CTNNA3: variants seen among roughly 807,000 people sequenced by gnomAD.
CTNNA3 encodes the protein catenin alpha-3.
Under a neutral mutation model 95.7 loss-of-function variants are expected in CTNNA3, and 76 were observed. That is an observed-to-expected ratio of 0.79 (90% confidence interval 0.66 to 0.96). CTNNA3 has a LOEUF of 0.96. CTNNA3 is among the 40% of genes least tolerant of loss of function. The probability of loss-of-function intolerance (pLI) is 0.00; values close to 1 mark genes in which losing one functional copy is unlikely to be tolerated. For missense variants in CTNNA3, 1,191 were observed against 1,089.8 expected (o/e 1.09, Z -1.31); for synonymous variants, 431 against 374.4 (o/e 1.15, Z -1.74).
chr10:66,266,621 C>T lies in CTNNA3; in HGVS notation c.1884+13849G>A, dbSNP rs183331649. Among the ~76,000 whole-genome samples, 65 of 152,136 alleles carry T rather than the reference C, an allele frequency of 4.3e-4. 2 individuals are homozygous for T. In the East Asian group the frequency reaches 7.3e-3, roughly 17 times the overall value. On this transcript the variant is annotated intron_variant, in intron 13 of 17. Coordinates refer to ENST00000433211, the MANE Select transcript of CTNNA3 (RefSeq NM_013266.4). Reference sequence around the variant, plus strand: ...CCCTGAAACTGGTGAGACAGCACTTCAATCCCTTCACCTTGGCTGCTCTAG... The same window carrying T: ...CCCTGAAACTGGTGAGACAGCACTTTAATCCCTTCACCTTGGCTGCTCTAG...
At chr10:66,550,944 T>C (rs938182880) in intron 10 of CTNNA3, among the ~76,000 whole-genome samples, 5 of 152,130 alleles carry the variant, frequency 3.3e-5, no homozygotes, top group African/African-American at 9.7e-5. Context: ...TTTTGCCCCA[T>C]TGAATTTTAG....
intron 13 of CTNNA3, among the ~76,000 whole-genome samples, chr10:66,108,439 T>C (rs1375697594): frequency 6.6e-6 from 1 of 151,904 alleles, no homozygotes; most frequent in Non-Finnish European, 1.5e-5. Context: ...GACTGGATCC[T>C]TCTCGGCATG....
chr10:67,742,771 G>T (rs60971508), intron 1 of CTNNA3, among the ~76,000 whole-genome samples: 6,671 of 150,812 alleles, frequency 0.044, 359 homozygotes, highest in African/African-American at 0.093. Flanking sequence ...TAATAAGGAA[G>T]AAAAGAGAGA....
chr10:67,682,195 T>C (rs946852480), intron 1 of CTNNA3, among the ~76,000 whole-genome samples: 1 of 147,106 alleles, frequency 6.8e-6, no homozygotes, highest in Non-Finnish European at 1.5e-5. Context: ...AGCGTGGTGG[T>C]GGGCGCCTAT....
intron 7 of CTNNA3, among the ~76,000 whole-genome samples, chr10:67,145,148 G>T (rs570514663): frequency 4.3e-4 from 66 of 152,232 alleles, no homozygotes; most frequent in Non-Finnish European, 7.8e-4. Context: ...TCCCCCATGG[G>T]CATGTTCCAT....
intron 7 of CTNNA3, among the ~76,000 whole-genome samples, chr10:66,996,879 A>C (rs1240367858): frequency 6.6e-6 from 1 of 152,136 alleles, no homozygotes; most frequent in Non-Finnish European, 1.5e-5. Flanking sequence ...GTAAATGTTC[A>C]GCAATTATCC....
chr10:67,121,077 G>GGTTTTGAATAA (rs1859441292), intron 7 of CTNNA3, among the ~76,000 whole-genome samples: 2 of 151,976 alleles, frequency 1.3e-5, no homozygotes, highest in Non-Finnish European at 2.9e-5. Flanking sequence ...CTTTATAAAA[G>GGTTTTGAATAA]CATTCCCTTG....
chr10:66,721,909 A>T (rs74141662), intron 9 of CTNNA3, among the ~76,000 whole-genome samples: 2,232 of 152,234 alleles, frequency 0.015, 59 homozygotes, highest in African/African-American at 0.051. Context: ...AAAAACCATA[A>T]GTGGTGCAAC....
chr10:66,461,167 C>G (rs928351209), intron 11 of CTNNA3, among the ~76,000 whole-genome samples: 1 of 151,978 alleles, frequency 6.6e-6, no homozygotes, highest in Non-Finnish European at 1.5e-5. Context: ...GACATGCTTG[C>G]AGGATGTGCG....
chr10:66,410,574 T>A (rs752110885), intron 11 of CTNNA3, among the ~76,000 whole-genome samples: 4 of 152,208 alleles, frequency 2.6e-5, no homozygotes, highest in Non-Finnish European at 5.9e-5. Context: ...GTCCTTGAGA[T>A]GAGGCAATTC....
intron 13 of CTNNA3, among the ~76,000 whole-genome samples, chr10:66,240,903 T>C (rs2090076688): frequency 1.3e-5 from 2 of 152,080 alleles, no homozygotes; most frequent in Admixed American, 1.3e-4. Flanking sequence ...ATGCTGTGAT[T>C]TACAAAAGAA....
At chr10:67,133,164 C>A (rs997380587) in intron 7 of CTNNA3, among the ~76,000 whole-genome samples, 4 of 150,782 alleles carry the variant, frequency 2.7e-5, no homozygotes, top group Admixed American at 2.0e-4. Flanking sequence ...ATGAATGTAG[C>A]AAAAACTCAT....
chr10:67,103,959 T>C (rs1271420755), intron 7 of CTNNA3, among the ~76,000 whole-genome samples: 3 of 151,188 alleles, frequency 2.0e-5, no homozygotes, highest in African/African-American at 7.3e-5. Flanking sequence ...CTAAAAAGAG[T>C]AGACATTTGA....
chr10:66,341,152 A>C (rs1368932204), intron 12 of CTNNA3, among the ~76,000 whole-genome samples: 1 of 151,876 alleles, frequency 6.6e-6, no homozygotes, highest in African/African-American at 2.4e-5. Context: ...GGATGAGTTA[A>C]AAGAAGATGA....
At chr10:65,971,715 C>A (rs1482977745) in intron 16 of CTNNA3, among the ~76,000 whole-genome samples, 3 of 151,790 alleles carry the variant, frequency 2.0e-5, no homozygotes, top group African/African-American at 7.3e-5. Flanking sequence ...GAGCCCCAGC[C>A]AAATTCTACC....
intron 4 of CTNNA3, among the ~76,000 whole-genome samples, chr10:67,529,499 G>A (rs1379438046): frequency 5.5e-5 from 7 of 127,830 alleles, no homozygotes; most frequent in Admixed American, 2.5e-4. Context: ...CTGTGGGGTC[G>A]GGGGAGGGGG....
Position 67,280,552 on chromosome 10 carries a change from C to T in CTNNA3, c.580-60682G>A, listed in dbSNP as rs576362114. ...TGAGGGAGTCCTGCCAACCGGCTCCCACTTCACAGACTGAATACCAGGTCA... is the reference window on the plus strand; with the variant it reads ...TGAGGGAGTCCTGCCAACCGGCTCCTACTTCACAGACTGAATACCAGGTCA... On this transcript the variant is annotated intron_variant, in intron 5 of 17. Coordinates refer to ENST00000433211, the MANE Select transcript of CTNNA3 (RefSeq NM_013266.4). Among the ~76,000 whole-genome samples the T allele has an allele frequency of 1.4e-3, 209 of 151,970 alleles. 1 individual carries two copies. The highest frequency in any genetic ancestry group is 4.7e-3 in the African/African-American group (195 of 41,460).
intron 7 of CTNNA3, among the ~76,000 whole-genome samples, chr10:66,898,543 T>C (rs1845593886): frequency 1.3e-5 from 2 of 151,916 alleles, no homozygotes; most frequent in Admixed American, 6.6e-5. Context: ...CCAGAAATAA[T>C]ACCACACACA....
intron 5 of CTNNA3, among the ~76,000 whole-genome samples, chr10:67,361,982 T>C (rs1046644356): frequency 7.2e-5 from 11 of 152,096 alleles, no homozygotes; most frequent in Non-Finnish European, 1.0e-4. Context: ...CAGAAACTAT[T>C]ATGAACACTA....
Sources: allele counts gnomAD v4.1 joint callset (sites outside exome capture counted in the v4.1 genomes callset), GRCh38; gene constraint gnomAD v4.1.1; transcripts MANE v1.5; gene names NCBI Gene and HGNC (gene_info 2026-07-23, HGNC 2026-07-21).